Variants in TESK2 observed in about 807,000 individuals in gnomAD.
TESK2 encodes dual specificity testis-specific protein kinase 2.
TESK2 carries 39 observed loss-of-function variants against 57.1 expected under a neutral mutation model. The observed-to-expected ratio is 0.68, with a 90% confidence interval of 0.53 to 0.89. The LOEUF (loss-of-function observed/expected upper bound fraction) is 0.89, where lower values mean the gene tolerates loss of function less well. Among genes scored for constraint, TESK2 ranks in the 40% least tolerant of loss-of-function variants. TESK2 has a pLI of 0.00. For synonymous variants in TESK2, 249 were observed against 267.9 expected (o/e 0.93, Z 0.69); for missense variants, 646 against 732.1 (o/e 0.88, Z 1.36).
chr1:45,435,594 G>A (rs1292026834), intron 2 of TESK2, among the ~76,000 whole-genome samples: 4 of 85,652 alleles, frequency 4.7e-5, no homozygotes, highest in Non-Finnish European at 9.0e-5. Context: ...TTTTTGTAGA[G>A]ACAAGGTCTC....
At chr1:45,477,274 T>C (rs1435088846) in intron 1 of TESK2, among the ~76,000 whole-genome samples, 1 of 151,624 alleles carries the variant, frequency 6.6e-6, no homozygotes, top group Non-Finnish European at 1.5e-5. Context: ...ACAAAAGATA[T>C]AGTCATTAAA....
At chr1:45,432,682 C>T (rs2149290739) in intron 2 of TESK2, among the ~76,000 whole-genome samples, 1 of 148,422 alleles carries the variant, frequency 6.7e-6, no homozygotes, top group African/African-American at 2.5e-5. Flanking sequence ...AAGAGCCAGA[C>T]TCCGTCTCAA....
At chr1:45,404,565 A>G (rs947140379) in intron 3 of TESK2, among the ~76,000 whole-genome samples, 8 of 150,046 alleles carry the variant, frequency 5.3e-5, no homozygotes, top group African/African-American at 2.0e-4. Context: ...TTTTTTTGAG[A>G]TGTAGTCTCA....
intron 1 of TESK2, among the ~76,000 whole-genome samples, chr1:45,479,023 C>T (rs1281439753): frequency 6.6e-6 from 1 of 152,120 alleles, no homozygotes; most frequent in African/African-American, 2.4e-5. Flanking sequence ...CATACCCAGC[C>T]TGTTTTTAAC....
chr1:45,488,925 GCC>G (rs1653598978), intron 1 of TESK2, among the ~76,000 whole-genome samples: 2 of 152,116 alleles, frequency 1.3e-5, no homozygotes, highest in Non-Finnish European at 2.9e-5. Flanking sequence ...TCTTTGGGAG[GCC>G]GGGGAAGGCA....
chr1:45,363,723 C>CT lies in TESK2; in HGVS notation c.394-8275dup, dbSNP rs201614410. The stretch of plus-strand genomic sequence containing the variant: ...CAAAGCACAGAGATTAGTAATTATT[C>CT]TTTTTTTTTTTTCTGTATAAGTAGG... On this transcript the variant is annotated intron_variant, in intron 4 of 10. Transcript: ENST00000372086. Among the ~76,000 whole-genome samples the CT allele has an allele frequency of 2.8e-3, 405 of 145,846 alleles. 1 individual carries two copies. The highest frequency in any genetic ancestry group is 0.026 in the East Asian group (129 of 5,048).
At chr1:45,381,860 CTTTTTTTTTTTT>C (rs748886310) in intron 4 of TESK2, among the ~76,000 whole-genome samples, 1 of 91,926 alleles carries the variant, frequency 1.1e-5, no homozygotes, top group African/African-American at 4.1e-5. Flanking sequence ...CATTCCTATT[CTTTTTTTTTTTT>C]TTTTTTTTTT....
intron 1 of TESK2, among the ~76,000 whole-genome samples, chr1:45,467,268 G>GT (rs1174686631): frequency 6.6e-6 from 1 of 151,776 alleles, no homozygotes; most frequent in Non-Finnish European, 1.5e-5. Context: ...ATTAATATTT[G>GT]TTAATTCTGG....
Position 45,436,181 on chromosome 1 carries a change from C to CTTTTTTTTTTT in TESK2, c.223-14346_223-14336dup, listed in dbSNP as rs1170732475. ...CTGTGAAAAATGACATTGGTATCTT[C>CTTTTTTTTTTT]TTTTTTTTTTTTTTTTTTTTTGAGA... On this transcript the variant is annotated intron_variant, in intron 2 of 10. Transcript: ENST00000372086. 4.5e-3 allele frequency among the ~76,000 whole-genome samples: 257 copies of CTTTTTTTTTTT among 56,576 alleles called. 72 individuals are homozygous for CTTTTTTTTTTT. The highest frequency in any genetic ancestry group is 9.4e-3 in the South Asian group (10 of 1,062). 37.1% of individuals were successfully genotyped at this position (56,576 alleles called of 152,430 possible).
At chr1:45,420,346 C>T (rs577138308) in intron 3 of TESK2, among the ~76,000 whole-genome samples, 2 of 151,996 alleles carry the variant, frequency 1.3e-5, no homozygotes, top group Non-Finnish European at 2.9e-5. Flanking sequence ...TCAAGAGATC[C>T]TCCCACCTCA....
intron 2 of TESK2, among the ~76,000 whole-genome samples, chr1:45,436,990 G>A (rs1336412786): frequency 6.6e-6 from 1 of 150,496 alleles, no homozygotes; most frequent in Non-Finnish European, 1.5e-5. Flanking sequence ...TAGAGATAGG[G>A]TTTCACCATT....
Position 45,424,132 on chromosome 1 carries a change from T to C in TESK2, c.223-2286A>G, listed in dbSNP as rs75207218. ...TCAGGAGTATCATTTCAGTATGCTA[T>C]ACTCAACCAAATGGGAATTCCAAAA... On this transcript the variant is annotated intron_variant, in intron 2 of 10. Transcript: ENST00000372086. Among the ~76,000 whole-genome samples, 526 of 152,334 alleles carry C rather than the reference T, an allele frequency of 3.5e-3. 7 individuals are homozygous for C. Among genetic ancestry groups the C allele is most frequent in the East Asian group, 0.031 (162 of 5,188 alleles).
At chr1:45,463,142 T>C (rs1652403034) in intron 1 of TESK2, among the ~76,000 whole-genome samples, 1 of 152,234 alleles carries the variant, frequency 6.6e-6, no homozygotes, top group African/African-American at 2.4e-5. Flanking sequence ...TAATTCTTTG[T>C]CAGACGGGTA....
intron 1 of TESK2, among the ~76,000 whole-genome samples, chr1:45,461,679 T>C (rs1351513956): frequency 2.0e-5 from 3 of 152,238 alleles, no homozygotes; most frequent in Admixed American, 6.5e-5. Context: ...ACAAAACATA[T>C]GTAAAGTACA....
intron 3 of TESK2, among the ~76,000 whole-genome samples, chr1:45,393,946 G>A (rs374163834): frequency 1.3e-4 from 20 of 152,168 alleles, no homozygotes; most frequent in Non-Finnish European, 2.1e-4. Flanking sequence ...TCATTGTCAT[G>A]TCACAAGACC....
intron 5 of TESK2, among the ~76,000 whole-genome samples, chr1:45,355,091 G>A (rs953368852): frequency 2.6e-5 from 4 of 151,632 alleles, no homozygotes; most frequent in Non-Finnish European, 4.4e-5. Flanking sequence ...CACGAGAGTC[G>A]TTGAACCCAG....
chr1:45,347,273 T>C (rs1461932013), intron 7 of TESK2, among the ~76,000 whole-genome samples: 1 of 152,134 alleles, frequency 6.6e-6, no homozygotes, highest in East Asian at 1.9e-4. Flanking sequence ...GAGTGGATTC[T>C]AGGGAGAATC....
At chr1:45,428,816 A>ACTTTTT (rs768015378) in intron 2 of TESK2, among the ~76,000 whole-genome samples, 1 of 82,592 alleles carries the variant, frequency 1.2e-5, no homozygotes, top group African/African-American at 5.1e-5. Context: ...TAAATTCCTG[A>ACTTTTT]TTTTTTTTTT....
intron 2 of TESK2, among the ~76,000 whole-genome samples, chr1:45,431,113 C>T (rs1691219): frequency 0.97 from 148,064 of 152,332 alleles, 72,095 homozygotes; most frequent in East Asian, 1. Context: ...CTATGTTACA[C>T]AGTGCTAGTA....
Sources: allele counts gnomAD v4.1 joint callset (sites outside exome capture counted in the v4.1 genomes callset), GRCh38; gene constraint gnomAD v4.1.1; transcripts MANE v1.5; gene names NCBI Gene and HGNC (gene_info 2026-07-23, HGNC 2026-07-21).